The following RANBP2 variants were observed in gnomAD, a reference collection of about 807,000 sequenced individuals.
RANBP2 encodes the protein RAN binding protein 2.
A neutral mutation model predicts 303.6 loss-of-function variants in RANBP2; 57 were observed. The observed-to-expected ratio is 0.19, with a 90% confidence interval of 0.15 to 0.23. The LOEUF is 0.23. Ranked by LOEUF, RANBP2 falls within the 10% of genes least tolerant of loss-of-function variation. The pLI is 1.00. For missense variants in RANBP2, 3,138 were observed against 3,780.8 expected (o/e 0.83, Z 4.46); for synonymous variants, 1,167 against 1,301.5 (o/e 0.90, Z 2.23).
At chr2:108,886,900 A>T in the RANBP2 span, among the ~76,000 whole-genome samples, 1 of 152,238 alleles carries the variant, frequency 6.6e-6, no homozygotes, top group Non-Finnish European at 1.5e-5. Flanking sequence ...TTAGTTTATT[A>T]TAATCCTATT....
the RANBP2 span, among the ~76,000 whole-genome samples, chr2:109,717,547 A>G: frequency 6.6e-6 from 1 of 151,546 alleles, no homozygotes; most frequent in Admixed American, 6.6e-5. Flanking sequence ...TTACCATTGC[A>G]TTCCAGCCTG....
the RANBP2 span, among the ~76,000 whole-genome samples, chr2:109,418,165 C>G: frequency 6.6e-6 from 1 of 152,150 alleles, no homozygotes; most frequent in Non-Finnish European, 1.5e-5. Context: ...TCCTGTGCTC[C>G]AGTTTCTGCT....
chr2:109,571,770 A>T, the RANBP2 span, among the ~76,000 whole-genome samples: 3 of 152,178 alleles, frequency 2.0e-5, no homozygotes, highest in Non-Finnish European at 4.4e-5. Context: ...ACTAGTTGTT[A>T]TAAGAGTTTG....
At chr2:109,268,982 G>A in the RANBP2 span, among the ~76,000 whole-genome samples, 1 of 152,200 alleles carries the variant, frequency 6.6e-6, no homozygotes, top group African/African-American at 2.4e-5. Context: ...TGTCTGAGGA[G>A]GACCTTCTGA....
At chr2:108,973,376 G>A in the RANBP2 span, among the ~76,000 whole-genome samples, 12 of 152,298 alleles carry the variant, frequency 7.9e-5, no homozygotes, top group African/African-American at 1.9e-4. Context: ...GCAGGAGGGC[G>A]GTGCAGAGAG....
At chr2:109,118,106 C>T in the RANBP2 span, among the ~76,000 whole-genome samples, 2 of 152,212 alleles carry the variant, frequency 1.3e-5, no homozygotes, top group South Asian at 4.1e-4. Context: ...TTCTGCGGAC[C>T]CTCATATCCA....
chr2:109,146,890 C>CA, the RANBP2 span, among the ~76,000 whole-genome samples: 1 of 14,460 alleles, frequency 6.9e-5, no homozygotes, highest in East Asian at 1.3e-3. Flanking sequence ...TTCCCTCCCC[C>CA]CCCCCCCCCC....
At chr2:109,188,669 G>A in the RANBP2 span, among the ~76,000 whole-genome samples, 3 of 152,180 alleles carry the variant, frequency 2.0e-5, no homozygotes, top group Non-Finnish European at 4.4e-5. Flanking sequence ...AATGCAAAGC[G>A]CTTGGGTTTG....
At chr2:109,551,814 T>C in the RANBP2 span, among the ~76,000 whole-genome samples, 5 of 152,228 alleles carry the variant, frequency 3.3e-5, no homozygotes, top group Admixed American at 1.3e-4. Context: ...AAATCATGTA[T>C]TTTCAAGAAA....
chr2:109,536,383 T>C, the RANBP2 span, among the ~76,000 whole-genome samples: 2 of 152,216 alleles, frequency 1.3e-5, no homozygotes, highest in African/African-American at 4.8e-5. Context: ...GAGATCGTTT[T>C]GGAGCTTTAA....
the RANBP2 span, among the ~76,000 whole-genome samples, chr2:109,165,941 G>T: frequency 3.9e-5 from 6 of 152,196 alleles, no homozygotes; most frequent in Admixed American, 2.0e-4. Flanking sequence ...ATGTTTTAGT[G>T]TCTGACTTTA....
rs923892713 is a variant in RANBP2, at chr2:108,752,892, T to C, written c.1756-106T>C. On this transcript the variant is annotated intron_variant, in intron 12 of 28. Coordinates refer to ENST00000283195, the MANE Select transcript of RANBP2 (RefSeq NM_006267.5). Reference sequence around the variant, plus strand: ...GAACAAATGACTATTGAGATACCATTTGGTTTTGACTTGAAATTTTAGCCA... The same window carrying C: ...GAACAAATGACTATTGAGATACCATCTGGTTTTGACTTGAAATTTTAGCCA... 6.2e-6 allele frequency: 10 copies of C among 1,600,826 alleles called. No homozygotes were observed. The African/African-American group carries it at 1.3e-4, about 22-fold the overall frequency.
chr2:109,199,974 G>GT, the RANBP2 span, among the ~76,000 whole-genome samples: 9 of 151,960 alleles, frequency 5.9e-5, no homozygotes, highest in African/African-American at 2.2e-4. Context: ...TCTGGGGACA[G>GT]TTTTGGTTGT....
At chr2:109,203,406 A>G in the RANBP2 span, among the ~76,000 whole-genome samples, 2,395 of 152,248 alleles carry the variant, frequency 0.016, 78 homozygotes, top group African/African-American at 0.054. Flanking sequence ...CCGCGTCCCT[A>G]CGAGCGCATC....
chr2:108,753,413 T>C lies in RANBP2; in HGVS notation c.1918-13T>C. The C allele has an allele frequency of 6.2e-7, 1 of 1,611,664 alleles. No homozygotes were observed. Among genetic ancestry groups the C allele is most frequent in the Admixed American group, 1.7e-5 (1 of 60,020 alleles). ...TATAAACAATTTGACTAAAAACTAT[T>C]CTGTGTGTTTAGGCATCAGAAATTG... On this transcript the variant is annotated splice_polypyrimidine_tract_variant and intron_variant, in intron 13 of 28. Transcript: ENST00000283195.
chr2:109,487,783 G>A, the RANBP2 span, among the ~76,000 whole-genome samples: 7 of 152,074 alleles, frequency 4.6e-5, no homozygotes, highest in African/African-American at 1.7e-4. Context: ...GGCCAGAAGG[G>A]CTCTCCCCGA....
the RANBP2 span, among the ~76,000 whole-genome samples, chr2:109,609,137 C>CA: frequency 6.6e-6 from 1 of 152,182 alleles, no homozygotes; most frequent in African/African-American, 2.4e-5. Context: ...ATGACACTAT[C>CA]AGTGTTTCAG....
chr2:109,499,099 A>T, the RANBP2 span, among the ~76,000 whole-genome samples: 17,753 of 152,204 alleles, frequency 0.12, 1,544 homozygotes, highest in East Asian at 0.29. Flanking sequence ...ACTCAGTCCA[A>T]GCAGGGTGAA....
At chr2:109,738,289 A>T in the RANBP2 span, among the ~76,000 whole-genome samples, 1 of 148,302 alleles carries the variant, frequency 6.7e-6, no homozygotes, top group East Asian at 2.0e-4. Context: ...TCTTCTGCAT[A>T]TGGATATCCA....
Sources: gnomAD v4.1 joint callset for allele counts (sites outside exome capture counted in the v4.1 genomes callset) on GRCh38, gnomAD v4.1.1 for gene constraint, MANE v1.5 for transcripts, NCBI Gene and HGNC (gene_info 2026-07-23, HGNC 2026-07-21) for gene names.